SSH2: variants seen among roughly 807,000 people sequenced by gnomAD.
The protein encoded by SSH2 is protein phosphatase Slingshot homolog 2.
SSH2 carries 37 observed loss-of-function variants against 135.2 expected under a neutral mutation model. That is an observed-to-expected ratio of 0.27 (90% confidence interval 0.21 to 0.36). The LOEUF (loss-of-function observed/expected upper bound fraction) is 0.36. Ranked by LOEUF, SSH2 falls within the 10% of genes least tolerant of loss-of-function variation. The probability of loss-of-function intolerance (pLI) is 1.00; values close to 1 mark genes in which losing one functional copy is unlikely to be tolerated. For missense variants in SSH2, 1,408 were observed against 1,765.3 expected, an observed-to-expected ratio of 0.80 and a Z score of 3.63; for synonymous variants, 628 against 646.2, an observed-to-expected ratio of 0.97 and a Z score of 0.43.
chr17:29,888,878 C>T (rs1246806206), intron 1 of SSH2, among the ~76,000 whole-genome samples: 1 of 120,206 alleles, frequency 8.3e-6, no homozygotes, highest in Non-Finnish European at 1.6e-5. Flanking sequence ...GGGTTGAAGC[C>T]ATGATAGTGC....
At chr17:29,901,999 C>T (rs1452687953) in intron 1 of SSH2, among the ~76,000 whole-genome samples, 2 of 151,890 alleles carry the variant, frequency 1.3e-5, no homozygotes, top group African/African-American at 2.4e-5. Context: ...CTTGCTCAGG[C>T]TGGTCTTGAA....
At chr17:29,875,277 A>G (rs574098426) in intron 1 of SSH2, among the ~76,000 whole-genome samples, 1 of 152,252 alleles carries the variant, frequency 6.6e-6, no homozygotes, top group East Asian at 1.9e-4. Flanking sequence ...CAATGCAAAC[A>G]TACACCTCAG....
intron 3 of SSH2, among the ~76,000 whole-genome samples, chr17:29,775,533 A>C (rs571866399): frequency 2.6e-5 from 4 of 152,316 alleles, no homozygotes; most frequent in African/African-American, 9.6e-5. Flanking sequence ...TCTTTTAATC[A>C]GTGAGGAAAC....
chr17:29,924,876 T>C (rs1430483948), intron 1 of SSH2, among the ~76,000 whole-genome samples: 2 of 152,194 alleles, frequency 1.3e-5, no homozygotes, highest in African/African-American at 4.8e-5. Flanking sequence ...CTGTTCTAGG[T>C]AGTCAAGGTT....
At chr17:29,879,489 A>G (rs1425184213) in intron 1 of SSH2, among the ~76,000 whole-genome samples, 3 of 151,944 alleles carry the variant, frequency 2.0e-5, no homozygotes, top group Non-Finnish European at 4.4e-5. Context: ...ACATGCATAT[A>G]GCCTCCCCCA....
intron 3 of SSH2, among the ~76,000 whole-genome samples, chr17:29,741,856 TGCCCGTCTAA>T (rs997289476): frequency 6.6e-6 from 1 of 151,700 alleles, no homozygotes; most frequent in African/African-American, 2.4e-5. Flanking sequence ...CCTCGTGATC[TGCCCGTCTAA>T]GCTTCCCAAA....
intron 5 of SSH2, among the ~76,000 whole-genome samples, chr17:29,692,988 T>C (rs1319241180): frequency 2.6e-5 from 4 of 152,150 alleles, no homozygotes; most frequent in East Asian, 3.9e-4. Context: ...TATTAGAGGG[T>C]CTTGCACTGT....
chr17:29,780,995 T>G (rs1038573434), intron 3 of SSH2, among the ~76,000 whole-genome samples: 1 of 151,490 alleles, frequency 6.6e-6, no homozygotes, highest in South Asian at 2.1e-4. Flanking sequence ...GTATTTTTAG[T>G]AGAGACGGGG....
intron 2 of SSH2, among the ~76,000 whole-genome samples, chr17:29,837,763 A>G (rs1378073519): frequency 1.3e-5 from 2 of 152,220 alleles, no homozygotes; most frequent in African/African-American, 4.8e-5. Context: ...GGCTGGGGCC[A>G]CTGTGCCACC....
chr17:29,637,781 A>C (rs1342805965), intron 14 of SSH2, among the ~76,000 whole-genome samples: 2 of 147,534 alleles, frequency 1.4e-5, no homozygotes, highest in Non-Finnish European at 3.0e-5. Context: ...CCCTTGTCTC[A>C]AAAAAAAAAT....
At chr17:29,728,811 T>G (rs1264836232) in intron 3 of SSH2, among the ~76,000 whole-genome samples, 2 of 152,204 alleles carry the variant, frequency 1.3e-5, no homozygotes, top group African/African-American at 4.8e-5. Flanking sequence ...GGAGAGTCTC[T>G]TCAATAAATG....
At chr17:29,816,101 A>C (rs2042554883) in intron 2 of SSH2, among the ~76,000 whole-genome samples, 1 of 151,916 alleles carries the variant, frequency 6.6e-6, no homozygotes, top group Non-Finnish European at 1.5e-5. Flanking sequence ...CACCCACCTC[A>C]GCCTCCCAAA....
chr17:29,684,014 T>C (rs1234744665), intron 6 of SSH2, among the ~76,000 whole-genome samples: 1 of 152,144 alleles, frequency 6.6e-6, no homozygotes, highest in Non-Finnish European at 1.5e-5. Flanking sequence ...TTGCTTTATA[T>C]TGTGACTATC....
chr17:29,705,116 T>C (rs1156893105), intron 3 of SSH2, among the ~76,000 whole-genome samples: 1 of 152,178 alleles, frequency 6.6e-6, no homozygotes, highest in Non-Finnish European at 1.5e-5. Flanking sequence ...CTAATAGTCA[T>C]CCTTAGTGTC....
intron 3 of SSH2, chr17:29,761,361 G>C: frequency 9.3e-7 from 1 of 1,073,718 alleles, no homozygotes; most frequent in Non-Finnish European, 1.1e-6. Flanking sequence ...GCACCCGGCG[G>C]CGGAGGCGGG....
At chr17:29,695,314 A>G (rs553222182) in intron 5 of SSH2, 145 bp downstream of exon 5, 9 of 563,170 alleles carry the variant, frequency 1.6e-5, no homozygotes, top group East Asian at 1.6e-4. Flanking sequence ...TAAACCATCA[A>G]ATTATTTCAC....
chr17:29,647,041 G>A (rs564275549), intron 14 of SSH2, among the ~76,000 whole-genome samples: 30 of 151,366 alleles, frequency 2.0e-4, no homozygotes, highest in Admixed American at 1.4e-3. Flanking sequence ...TTGGGAGGCC[G>A]AGGCGAGCGG....
At chr17:29,697,910 T>C (rs2151111558) in intron 4 of SSH2, among the ~76,000 whole-genome samples, 1 of 152,262 alleles carries the variant, frequency 6.6e-6, no homozygotes, top group Admixed American at 6.5e-5. Flanking sequence ...TACAGCATTA[T>C]TCATAATAGC....
chr17:29,731,426 TTTA>T (rs768231311), intron 3 of SSH2, among the ~76,000 whole-genome samples: 3,316 of 89,576 alleles, frequency 0.037, 55 homozygotes, highest in East Asian at 0.067. Context: ...TTTTTATTTA[TTTA>T]TTTATTTATT....
Sources: gnomAD v4.1 joint callset for allele counts (sites outside exome capture counted in the v4.1 genomes callset) on GRCh38, gnomAD v4.1.1 for gene constraint, MANE v1.5 for transcripts, NCBI Gene and HGNC (gene_info 2026-07-23, HGNC 2026-07-21) for gene names.